ERI3: variants seen among roughly 807,000 people sequenced by gnomAD.
ERI3 encodes the protein ERI1 exoribonuclease family member 3.
ERI3 carries 18 observed loss-of-function variants against 44.4 expected under a neutral mutation model. The observed-to-expected ratio is 0.41, with a 90% CI of 0.28 to 0.60. ERI3 has a LOEUF of 0.60. ERI3 is among the 20% of genes least tolerant of loss of function. The probability of loss-of-function intolerance (pLI) is 0.36; values close to 1 mark genes in which losing one functional copy is unlikely to be tolerated. For synonymous variants in ERI3, 183 were observed against 164.8 expected (o/e 1.11, Z -0.84); for missense variants, 294 against 435.5 (o/e 0.68, Z 2.89).
chr1:44,225,396 G>A (rs1644013284), intron 8 of ERI3, among the ~76,000 whole-genome samples: 1 of 152,170 alleles, frequency 6.6e-6, no homozygotes, highest in Non-Finnish European at 1.5e-5. Flanking sequence ...CCAAAGGGCT[G>A]GGATTACAGG....
chr1:44,310,971 A>G (rs3927127), intron 5 of ERI3, among the ~76,000 whole-genome samples: 58,827 of 95,602 alleles, frequency 0.62, 14,903 homozygotes, highest in East Asian at 0.68. Context: ...GCGCACACAC[A>G]CACACACACA....
chr1:44,289,657 C>G (rs1373083340), intron 6 of ERI3, among the ~76,000 whole-genome samples: 2 of 152,254 alleles, frequency 1.3e-5, no homozygotes, highest in Non-Finnish European at 2.9e-5. Context: ...TCATTCAGCC[C>G]TACCACCTGC....
intron 7 of ERI3, among the ~76,000 whole-genome samples, chr1:44,250,230 T>C (rs1644647067): frequency 6.6e-6 from 1 of 152,256 alleles, no homozygotes; most frequent in African/African-American, 2.4e-5. Flanking sequence ...GCTTCCCAGC[T>C]TAAAGCGACG....
chr1:44,305,627 A>G (rs902004494), intron 6 of ERI3, among the ~76,000 whole-genome samples: 1 of 152,186 alleles, frequency 6.6e-6, no homozygotes, highest in Non-Finnish European at 1.5e-5. Flanking sequence ...ACATAAAATG[A>G]TTTGTCAGGA....
At chr1:44,274,902 G>A (rs1410945449) in intron 7 of ERI3, among the ~76,000 whole-genome samples, 5 of 152,134 alleles carry the variant, frequency 3.3e-5, no homozygotes, top group Non-Finnish European at 7.3e-5. Context: ...CCCAAAGACA[G>A]ATGAAGGCCC....
intron 3 of ERI3, among the ~76,000 whole-genome samples, chr1:44,335,999 C>G (rs529494063): frequency 6.6e-6 from 1 of 152,260 alleles, no homozygotes; most frequent in South Asian, 2.1e-4. Context: ...AAGTTGTTAT[C>G]GTACTCCTTG....
intron 2 of ERI3, among the ~76,000 whole-genome samples, chr1:44,350,620 G>A (rs943353696): frequency 1.3e-5 from 2 of 152,202 alleles, no homozygotes; most frequent in Non-Finnish European, 2.9e-5. Context: ...CTGTAAAATA[G>A]AAGCCAGTAT....
intron 7 of ERI3, among the ~76,000 whole-genome samples, chr1:44,282,126 T>C (rs756384855): frequency 5.9e-5 from 9 of 152,058 alleles, no homozygotes; most frequent in Non-Finnish European, 1.0e-4. Flanking sequence ...AACTTGGCCA[T>C]TGAAAAGTTC....
chr1:44,277,945 T>C (rs532323311), intron 7 of ERI3, among the ~76,000 whole-genome samples: 1 of 152,162 alleles, frequency 6.6e-6, no homozygotes, highest in Non-Finnish European at 1.5e-5. Context: ...CCAATAGAAA[T>C]ATAATGTGAG....
chr1:44,334,291 G>C (rs1187280646), intron 3 of ERI3, among the ~76,000 whole-genome samples: 2 of 152,196 alleles, frequency 1.3e-5, no homozygotes, highest in African/African-American at 2.4e-5. Flanking sequence ...GAGGTGGTGA[G>C]TGAACTTGCC....
intron 8 of ERI3, among the ~76,000 whole-genome samples, chr1:44,239,933 C>T (rs1020547558): frequency 6.6e-6 from 1 of 152,248 alleles, no homozygotes; most frequent in Non-Finnish European, 1.5e-5. Context: ...CCCCGCCCGC[C>T]CCTTGCCTAA....
chr1:44,348,859 G>A (rs962544174), intron 2 of ERI3, among the ~76,000 whole-genome samples: 4 of 152,172 alleles, frequency 2.6e-5, no homozygotes, highest in African/African-American at 9.7e-5. Context: ...CAGGACCTCA[G>A]GCAACTCATT....
intron 7 of ERI3, among the ~76,000 whole-genome samples, chr1:44,280,789 C>T (rs1008315294): frequency 6.6e-6 from 1 of 152,164 alleles, no homozygotes; most frequent in Non-Finnish European, 1.5e-5. Context: ...TTCCTCTTAC[C>T]CTAAACATCA....
intron 7 of ERI3, among the ~76,000 whole-genome samples, chr1:44,280,770 T>C (rs957787739): frequency 6.6e-6 from 1 of 152,172 alleles, no homozygotes; most frequent in Non-Finnish European, 1.5e-5. Flanking sequence ...TTTAATACCC[T>C]TTAACAGCTT....
intron 4 of ERI3, among the ~76,000 whole-genome samples, chr1:44,314,947 A>C (rs74070462): frequency 0.02 from 2,987 of 152,312 alleles, 93 homozygotes; most frequent in African/African-American, 0.068. Flanking sequence ...GTTTTGCCTC[A>C]GGCATGAAGG....
At chr1:44,334,130 G>A (rs1190712721) in intron 3 of ERI3, among the ~76,000 whole-genome samples, 3 of 152,216 alleles carry the variant, frequency 2.0e-5, no homozygotes, top group Non-Finnish European at 4.4e-5. Context: ...GTGGGTAGCC[G>A]CCAGGATGGC....
At chr1:44,299,720 A>G (rs976166377) in intron 6 of ERI3, among the ~76,000 whole-genome samples, 3 of 152,126 alleles carry the variant, frequency 2.0e-5, no homozygotes, top group African/African-American at 7.2e-5. Flanking sequence ...AAAAGAGTAG[A>G]GCCCGGGTCC....
chr1:44,274,860 T>TA (rs1645151387), intron 7 of ERI3, among the ~76,000 whole-genome samples: 2 of 152,122 alleles, frequency 1.3e-5, no homozygotes, highest in African/African-American at 4.8e-5. Context: ...CTCTGCCTCA[T>TA]CTATACCTAG....
Position 44,308,358 on chromosome 1 carries a change from T to C in ERI3, c.710A>G (p.Asn237Ser), listed in dbSNP as rs781691741. 2 of 1,614,098 alleles carry C rather than the reference T, an allele frequency of 1.2e-6. No individual in the cohort carries two copies. The highest frequency in any genetic ancestry group is 4.5e-5 in the East Asian group (2 of 44,904). The stretch of plus-strand genomic sequence containing the variant: ...ACAGGTGACAAAAATTGACTTGACG[T>C]TTGGATCTAAGAGGCCTTCCTTCGC... ...WMAKEGLLDP[N>S]VKSIFVTCGD... The change falls in exon 6 of 9, where the codon AAC becomes AGC. Residue 237 changes from asparagine (N) to serine (S), a missense_variant. Asn to Ser is a conservative substitution (Grantham distance 46). Coordinates refer to ENST00000372257, the MANE Select transcript of ERI3 (RefSeq NM_024066.3).
Sources: allele counts gnomAD v4.1 joint callset (sites outside exome capture counted in the v4.1 genomes callset), GRCh38; gene constraint gnomAD v4.1.1; transcripts MANE v1.5; gene names NCBI Gene and HGNC (gene_info 2026-07-23, HGNC 2026-07-21).